Variants in SPAG16 observed in about 807,000 individuals in gnomAD.
The protein encoded by SPAG16 is sperm-associated antigen 16 protein.
In SPAG16, 86 loss-of-function variants were observed where a neutral mutation model predicts 80.4. The ratio of observed to expected loss-of-function variants is 1.07; its 90% CI spans 0.90 to 1.28. The LOEUF (loss-of-function observed/expected upper bound fraction) is 1.28. SPAG16 is among the 50% of genes most tolerant of loss of function. SPAG16 has a pLI of 0.00. For missense variants in SPAG16, 870 were observed against 765.3 expected, an observed-to-expected ratio of 1.14 and a Z score of -1.61; for synonymous variants, 294 against 265.9, an observed-to-expected ratio of 1.11 and a Z score of -1.03.
intron 1 of SPAG16, among the ~76,000 whole-genome samples, chr2:213,288,064 C>T (rs1423433338): frequency 6.6e-6 from 1 of 152,092 alleles, no homozygotes; most frequent in Non-Finnish European, 1.5e-5. Flanking sequence ...CGGCACCATA[C>T]CCAGCTAATT....
chr2:213,876,988 G>A (rs1334784009), intron 11 of SPAG16, among the ~76,000 whole-genome samples: 1 of 152,118 alleles, frequency 6.6e-6, no homozygotes, highest in African/African-American at 2.4e-5. Context: ...AGATAATTCT[G>A]CCAAAGATTT....
intron 13 of SPAG16, among the ~76,000 whole-genome samples, chr2:214,104,701 T>C (rs1257849127): frequency 6.6e-6 from 1 of 152,132 alleles, no homozygotes; most frequent in African/African-American, 2.4e-5. Flanking sequence ...AGTTGGGAAG[T>C]AGTAAATCAA....
intron 15 of SPAG16, among the ~76,000 whole-genome samples, chr2:214,308,988 A>G (rs1473002569): frequency 6.6e-6 from 1 of 151,624 alleles, no homozygotes; most frequent in Non-Finnish European, 1.5e-5. Context: ...TGTTTTCCCA[A>G]TTGGTTTCAT....
intron 11 of SPAG16, among the ~76,000 whole-genome samples, chr2:213,867,280 T>A (rs1472964057): frequency 1.3e-5 from 2 of 152,216 alleles, no homozygotes; most frequent in African/African-American, 4.8e-5. Context: ...TCATCAATCA[T>A]TGAAAATGGT....
At chr2:213,691,208 C>A (rs927362026) in intron 10 of SPAG16, among the ~76,000 whole-genome samples, 2 of 152,152 alleles carry the variant, frequency 1.3e-5, no homozygotes, top group African/African-American at 4.8e-5. Context: ...CTAAAGATAA[C>A]CCTCAATAAA....
intron 10 of SPAG16, among the ~76,000 whole-genome samples, chr2:213,640,039 T>C (rs1412944879): frequency 6.6e-6 from 1 of 152,214 alleles, no homozygotes; most frequent in African/African-American, 2.4e-5. Context: ...GTTGAAATTT[T>C]CCAGGGTATT....
chr2:214,310,881 C>A (rs1426912781), intron 15 of SPAG16, among the ~76,000 whole-genome samples: 1 of 152,128 alleles, frequency 6.6e-6, no homozygotes, highest in Non-Finnish European at 1.5e-5. Context: ...TTGGTTTACA[C>A]TGTTTTGCAG....
chr2:213,992,052 G>A (rs1559667873), intron 12 of SPAG16, among the ~76,000 whole-genome samples: 1 of 151,862 alleles, frequency 6.6e-6, no homozygotes, highest in Non-Finnish European at 1.5e-5. Flanking sequence ...GAAAGAAAAA[G>A]CCTGTTAATA....
intron 12 of SPAG16, among the ~76,000 whole-genome samples, chr2:214,012,072 A>G (rs1029757098): frequency 2.2e-4 from 33 of 151,530 alleles, no homozygotes; most frequent in African/African-American, 7.5e-4. Context: ...AACGGTTACC[A>G]TGCTAGTTCT....
intron 14 of SPAG16, among the ~76,000 whole-genome samples, chr2:214,143,484 T>A (rs2055477302): frequency 1.3e-5 from 2 of 152,120 alleles, no homozygotes; most frequent in Admixed American, 1.3e-4. Flanking sequence ...CATATAGTTG[T>A]GAGAGTCAGC....
chr2:213,959,858 G>A (rs2044327497), intron 12 of SPAG16, among the ~76,000 whole-genome samples: 1 of 152,140 alleles, frequency 6.6e-6, no homozygotes, highest in African/African-American at 2.4e-5. Flanking sequence ...TTTTCTAGAA[G>A]AGTGGCTGTT....
At chr2:214,042,453 AC>A (rs2049089067) in intron 13 of SPAG16, among the ~76,000 whole-genome samples, 1 of 151,854 alleles carries the variant, frequency 6.6e-6, no homozygotes. Flanking sequence ...AACAACAACA[AC>A]AACAACAACA....
intron 15 of SPAG16, among the ~76,000 whole-genome samples, chr2:214,335,458 T>C (rs1697212397): frequency 8.7e-6 from 1 of 115,092 alleles, no homozygotes; most frequent in South Asian, 4.0e-4. Context: ...CTTTCTAAAT[T>C]AACATGGAGG....
chr2:213,718,822 C>T (rs2066374640), intron 10 of SPAG16, among the ~76,000 whole-genome samples: 1 of 152,194 alleles, frequency 6.6e-6, no homozygotes, highest in African/African-American at 2.4e-5. Flanking sequence ...ACGAGCACCA[C>T]CCCCTACTCC....
At chr2:213,296,935 A>G (rs1467349374) in intron 2 of SPAG16, 3 of 512,548 alleles carry the variant, frequency 5.9e-6, no homozygotes, top group Non-Finnish European at 8.7e-6. Context: ...GATGGTGGAA[A>G]GCACTTGAGA....
intron 10 of SPAG16, among the ~76,000 whole-genome samples, chr2:213,629,928 G>A (rs1288147797): frequency 6.6e-6 from 1 of 152,134 alleles, no homozygotes; most frequent in Non-Finnish European, 1.5e-5. Context: ...TGACCCTCTG[G>A]CTTCAGAAAC....
chr2:213,514,584 A>G (rs1305546775), intron 10 of SPAG16, among the ~76,000 whole-genome samples: 1 of 150,604 alleles, frequency 6.6e-6, no homozygotes, highest in Admixed American at 6.6e-5. Context: ...GTCATCTAGC[A>G]TTAGGTATAT....
chr2:213,322,947 C>T (rs1455991019), intron 5 of SPAG16, among the ~76,000 whole-genome samples: 2 of 152,044 alleles, frequency 1.3e-5, no homozygotes, highest in Admixed American at 6.5e-5. Context: ...GTGGCTCTAA[C>T]CAGTGGGTTA....
intron 10 of SPAG16, among the ~76,000 whole-genome samples, chr2:213,832,086 C>G (rs936207261): frequency 1.3e-5 from 2 of 151,920 alleles, no homozygotes; most frequent in African/African-American, 4.8e-5. Flanking sequence ...AACCTCCTTC[C>G]CCCCGGGTTC....
Sources: gnomAD v4.1 joint callset for allele counts (sites outside exome capture counted in the v4.1 genomes callset) on GRCh38, gnomAD v4.1.1 for gene constraint, MANE v1.5 for transcripts, NCBI Gene and HGNC (gene_info 2026-07-23, HGNC 2026-07-21) for gene names.